TBC1D22A: variants seen among roughly 807,000 people sequenced by gnomAD.
TBC1D22A encodes the protein TBC1 domain family member 22A, also known as putative GTPase activator.
In TBC1D22A, 38 loss-of-function variants were observed where a neutral mutation model predicts 60.2. The ratio of observed to expected loss-of-function variants is 0.63; its 90% CI spans 0.49 to 0.83. The LOEUF (loss-of-function observed/expected upper bound fraction) is 0.83. Among genes scored for constraint, TBC1D22A ranks in the 40% least tolerant of loss-of-function variants. The probability of loss-of-function intolerance (pLI) is 0.00; values close to 1 mark genes in which losing one functional copy is unlikely to be tolerated. For synonymous variants in TBC1D22A, 302 were observed against 281.7 expected (o/e 1.07, Z -0.72); for missense variants, 628 against 701.0 (o/e 0.90, Z 1.18).
chr22:46,881,764 G>T (rs1326077622), intron 5 of TBC1D22A, among the ~76,000 whole-genome samples: 1 of 152,182 alleles, frequency 6.6e-6, no homozygotes, highest in East Asian at 1.9e-4. Context: ...AGAGTAGGGG[G>T]CAAGCGTTGG....
intron 11 of TBC1D22A, among the ~76,000 whole-genome samples, chr22:47,108,998 A>G (rs2065745435): frequency 6.6e-6 from 1 of 152,194 alleles, no homozygotes; most frequent in Non-Finnish European, 1.5e-5. Context: ...CCCGGCCTGA[A>G]ATATATAAAG....
chr22:46,970,123 A>G (rs1289676991), intron 8 of TBC1D22A, among the ~76,000 whole-genome samples: 1 of 151,992 alleles, frequency 6.6e-6, no homozygotes, highest in Non-Finnish European at 1.5e-5. Flanking sequence ...CCTGGAATCC[A>G]GCTGCTTTGA....
chr22:47,020,960 A>G (rs1309175787), intron 10 of TBC1D22A, among the ~76,000 whole-genome samples: 2 of 152,120 alleles, frequency 1.3e-5, no homozygotes, highest in African/African-American at 4.8e-5. Flanking sequence ...AGAAGCCCAC[A>G]TGGCAGGGGC....
chr22:46,778,869 C>A (rs1400736795), intron 1 of TBC1D22A, among the ~76,000 whole-genome samples: 2 of 152,092 alleles, frequency 1.3e-5, no homozygotes, highest in African/African-American at 4.8e-5. Flanking sequence ...CATGGTGAAA[C>A]CCCGTCTCTA....
intron 7 of TBC1D22A, among the ~76,000 whole-genome samples, chr22:46,902,877 C>CTCAGCAGCGCACA (rs2069105494): frequency 6.7e-6 from 1 of 150,216 alleles, no homozygotes; most frequent in African/African-American, 2.5e-5. Flanking sequence ...GACAGATGTG[C>CTCAGCAGCGCACA]GTGAAACCCA....
chr22:46,861,405 G>C (rs2087878437), intron 4 of TBC1D22A, among the ~76,000 whole-genome samples: 1 of 152,170 alleles, frequency 6.6e-6, no homozygotes, highest in South Asian at 2.1e-4. Flanking sequence ...TAGCCCAGGT[G>C]GCCTCTCTGT....
intron 4 of TBC1D22A, among the ~76,000 whole-genome samples, chr22:46,802,411 G>T (rs898204024): frequency 1.3e-5 from 2 of 152,236 alleles, no homozygotes; most frequent in African/African-American, 2.4e-5. Flanking sequence ...CACGGAGTCA[G>T]GTATTTGAAG....
chr22:46,800,639 C>T (rs1055825918), intron 4 of TBC1D22A, among the ~76,000 whole-genome samples: 15 of 152,160 alleles, frequency 9.9e-5, no homozygotes, highest in African/African-American at 1.4e-4. Flanking sequence ...ATGATGAAAG[C>T]GGTGCTCATT....
chr22:47,162,699 G>A (rs1449805912), intron 12 of TBC1D22A, among the ~76,000 whole-genome samples: 1 of 114,198 alleles, frequency 8.8e-6, no homozygotes, highest in Admixed American at 8.5e-5. Flanking sequence ...ATGGGACTGC[G>A]GACCCGGTGC....
At chr22:47,133,428 C>T (rs896674027) in intron 12 of TBC1D22A, among the ~76,000 whole-genome samples, 2 of 152,118 alleles carry the variant, frequency 1.3e-5, no homozygotes, top group Non-Finnish European at 2.9e-5. Context: ...AGTACCAGAG[C>T]GGGAGGCTGA....
At chr22:46,853,238 C>T (rs2087379964) in intron 4 of TBC1D22A, among the ~76,000 whole-genome samples, 1 of 152,178 alleles carries the variant, frequency 6.6e-6, no homozygotes, top group Non-Finnish European at 1.5e-5. Flanking sequence ...ATCAGCACCC[C>T]AGCCTGGTCA....
intron 4 of TBC1D22A, among the ~76,000 whole-genome samples, chr22:46,809,011 G>T (rs2085271933): frequency 6.6e-6 from 1 of 152,216 alleles, no homozygotes; most frequent in East Asian, 1.9e-4. Flanking sequence ...TCCTAATGTA[G>T]ATTATCTTAG....
chr22:46,799,292 T>A (rs2084795977), intron 4 of TBC1D22A, among the ~76,000 whole-genome samples: 1 of 152,218 alleles, frequency 6.6e-6, no homozygotes, highest in Non-Finnish European at 1.5e-5. Context: ...ACCAATTGTT[T>A]ACGTTTGCCC....
chr22:46,786,869 A>T (rs765011958), intron 1 of TBC1D22A, among the ~76,000 whole-genome samples: 3 of 151,808 alleles, frequency 2.0e-5, no homozygotes, highest in Non-Finnish European at 2.9e-5. Flanking sequence ...TTGGTTTTTA[A>T]TAGATGAGGT....
rs548853629 is a variant in TBC1D22A at position 46,924,239 on chromosome 22, A to G, written c.1015+12051A>G. On this transcript the variant is annotated intron_variant, in intron 8 of 12. Transcript: ENST00000337137. ...GAGTGGCTGGATGTCTTGACTGAGT[A>G]CTTTGGACGGATAACTCGGAGTGAC... Among the ~76,000 whole-genome samples the G allele has an allele frequency of 3.3e-5, 5 of 152,290 alleles. No homozygotes were observed. The East Asian group carries it at 9.6e-4, about 29-fold the overall frequency.
At position 46,940,512 on chromosome 22, in the gene TBC1D22A, C is replaced by T. The variant is rs552236144; in HGVS notation, c.1015+28324C>T. On this transcript the variant is annotated intron_variant, in intron 8 of 12. Coordinates refer to ENST00000337137, the MANE Select transcript of TBC1D22A (RefSeq NM_014346.5). ...TACACACACACAGTCTACCCTTGAA[C>T]AGCATGGGGACTGGGGCACTAGAAT... 3.6e-3 allele frequency among the ~76,000 whole-genome samples: 519 copies of T among 143,800 alleles called. 3 individuals carry two copies. The highest frequency in any genetic ancestry group is 0.013 in the African/African-American group (482 of 38,226). 94.3% of individuals were successfully genotyped at this position (143,800 alleles called of 152,430 possible).
At chr22:46,853,625 C>T (rs888824675) in intron 4 of TBC1D22A, among the ~76,000 whole-genome samples, 19 of 152,214 alleles carry the variant, frequency 1.2e-4, no homozygotes, top group Non-Finnish European at 1.6e-4. Context: ...ACTTACTTCG[C>T]TGAAACTGGT....
At chr22:47,014,772 G>T (rs1005088955) in intron 10 of TBC1D22A, among the ~76,000 whole-genome samples, 7 of 152,186 alleles carry the variant, frequency 4.6e-5, no homozygotes, top group Non-Finnish European at 8.8e-5. Flanking sequence ...CAGGGCTCCA[G>T]CGCGGCCTGT....
At chr22:46,831,424 G>A (rs17834914) in intron 4 of TBC1D22A, among the ~76,000 whole-genome samples, 11,079 of 152,156 alleles carry the variant, frequency 0.073, 572 homozygotes, top group Non-Finnish European at 0.11. Context: ...AGTAACTCCC[G>A]GACTCGGAGC....
Sources: gnomAD v4.1 joint callset for allele counts (sites outside exome capture counted in the v4.1 genomes callset) on GRCh38, gnomAD v4.1.1 for gene constraint, MANE v1.5 for transcripts, NCBI Gene and HGNC (gene_info 2026-07-23, HGNC 2026-07-21) for gene names.